Variants in NAPB observed in about 807,000 individuals in gnomAD.
NAPB encodes the protein NSF attachment protein beta, also known as beta-soluble NSF attachment protein.
Under a neutral mutation model 44.7 loss-of-function variants are expected in NAPB, and 26 were observed. That is an observed-to-expected ratio of 0.58 (90% CI 0.43 to 0.81). NAPB has a LOEUF of 0.81. NAPB is among the 30% of genes least tolerant of loss of function. The pLI is 0.00. For synonymous variants in NAPB, 120 were observed against 116.8 expected, an observed-to-expected ratio of 1.03 and a Z score of -0.18; for missense variants, 315 against 356.4, an observed-to-expected ratio of 0.88 and a Z score of 0.94.
chr20:23,398,273 C>G, intron 2 of NAPB, among the ~76,000 whole-genome samples: 1 of 152,204 alleles, frequency 6.6e-6, no homozygotes, highest in East Asian at 1.9e-4. Flanking sequence ...AAGAATATCA[C>G]AAAGCCTTTA....
intron 6 of NAPB, 24 bp downstream of exon 6, chr20:23,390,185 C>A (rs759769598): frequency 6.3e-7 from 1 of 1,582,730 alleles, no homozygotes; most frequent in South Asian, 1.1e-5. Context: ...CCCATTAAAT[C>A]ATATTAAGAA....
chr20:23,390,030 G>T lies in NAPB; in HGVS notation c.477C>A (p.Ser159Arg). The T allele has an allele frequency of 6.2e-7, 1 of 1,613,850 alleles. No homozygotes were observed. The highest frequency in any genetic ancestry group is 8.5e-7 in the Non-Finnish European group (1 of 1,179,844). The change falls in exon 7 of 11, where the codon AGC (serine) becomes AGA (arginine). Residue 159 changes from serine to arginine, a missense_variant and splice_region_variant. By Grantham distance (110) the Ser-to-Arg change is moderately radical (BLOSUM62 -1). Around this residue, in one of 3 missense-constraint regions of NAPB, gnomAD observed 16 missense variants for 43.4 expected, o/e 0.37. Transcript: ENST00000377026. ...CCTTCAGCAGACACTTGTTTGCTGA[G>T]CTGAAATCAAGAACCAAAGCAGAGT... ...ADYYKGEESNSSANKCLLKVA... is the reference protein window; with the variant it reads ...ADYYKGEESNRSANKCLLKVA...
chr20:23,382,710 G>A (rs1274620096), intron 7 of NAPB, among the ~76,000 whole-genome samples: 1 of 150,794 alleles, frequency 6.6e-6, no homozygotes, highest in African/African-American at 2.4e-5. Context: ...CAGGATGAAA[G>A]GGACAGAGGA....
chr20:23,387,260 C>T (rs1479516680), intron 7 of NAPB, among the ~76,000 whole-genome samples: 1 of 152,028 alleles, frequency 6.6e-6, no homozygotes, highest in Admixed American at 6.6e-5. Flanking sequence ...TTTACCAAAA[C>T]CCCACTACTG....
At chr20:23,398,074 G>C (rs766895279) in intron 2 of NAPB, among the ~76,000 whole-genome samples, 58 of 152,170 alleles carry the variant, frequency 3.8e-4, no homozygotes, top group Non-Finnish European at 5.6e-4. Flanking sequence ...GACTGGAGGA[G>C]GCCAGTGGAA....
rs1982418525 is a variant in NAPB, at chr20:23,375,279, T to TA, written c.*2096_*2097insT. ...TTGACACAACAAAATGTTACAAACATTATTGTTAAAAAAAAATACCCCTTC... is the reference window on the plus strand; with the variant it reads ...TTGACACAACAAAATGTTACAAACATATATTGTTAAAAAAAAATACCCCTTC... On this transcript the variant is annotated 3_prime_UTR_variant, in exon 11 of 11. Transcript: ENST00000377026. The TA allele has an allele frequency of 6.6e-6, 1 of 152,098 alleles. No individual in the cohort carries two copies. Among genetic ancestry groups the TA allele is most frequent in the Admixed American group, 6.5e-5 (1 of 15,272 alleles). 9.4% of individuals were successfully genotyped at this position (152,098 alleles called of 1,614,324 possible).
At chr20:23,418,840 A>T (rs1356804173) in intron 1 of NAPB, among the ~76,000 whole-genome samples, 1 of 151,782 alleles carries the variant, frequency 6.6e-6, no homozygotes, top group East Asian at 1.9e-4. Context: ...CCAGCTACTC[A>T]GGAGACTGAG....
intron 5 of NAPB, among the ~76,000 whole-genome samples, chr20:23,391,165 A>G (rs551438047): frequency 6.6e-6 from 1 of 152,256 alleles, no homozygotes; most frequent in African/African-American, 2.4e-5. Context: ...TACAAAAATT[A>G]GCCGGGCGTG....
chr20:23,377,521 T>C (rs775526644), intron 10 of NAPB, 35 bp from the exon 11 acceptor site: 19 of 1,405,632 alleles, frequency 1.4e-5, no homozygotes, highest in Non-Finnish European at 1.8e-5. Context: ...AATTACCCCA[T>C]GTAAATACAT....
At chr20:23,408,230 G>A (rs1345576180) in intron 1 of NAPB, among the ~76,000 whole-genome samples, 2 of 152,118 alleles carry the variant, frequency 1.3e-5, no homozygotes, top group Non-Finnish European at 2.9e-5. Flanking sequence ...TGGGGAGCCT[G>A]GGGGGATCCC....
At chr20:23,385,970 T>C (rs891235917) in intron 7 of NAPB, among the ~76,000 whole-genome samples, 11 of 152,122 alleles carry the variant, frequency 7.2e-5, no homozygotes, top group African/African-American at 2.2e-4. Context: ...CGCAAAAATA[T>C]GTTATCTAAC....
chr20:23,415,043 G>A (rs1039940453), intron 1 of NAPB, among the ~76,000 whole-genome samples: 1 of 152,086 alleles, frequency 6.6e-6, no homozygotes, highest in African/African-American at 2.4e-5. Flanking sequence ...AGGTAATAGA[G>A]ATTGAGACAT....
intron 7 of NAPB, among the ~76,000 whole-genome samples, chr20:23,383,849 T>C (rs1018459956): frequency 1.4e-4 from 22 of 152,190 alleles, no homozygotes; most frequent in Non-Finnish European, 2.9e-4. Context: ...CATTGACTCA[T>C]GTGGTTCTAA....
intron 1 of NAPB, among the ~76,000 whole-genome samples, chr20:23,407,537 C>T (rs1440745820): frequency 3.3e-5 from 5 of 152,078 alleles, no homozygotes; most frequent in African/African-American, 1.2e-4. Context: ...GCACAAAAAC[C>T]ACTGCCACCT....
chr20:23,419,304 T>G (rs1568626451), intron 1 of NAPB, among the ~76,000 whole-genome samples: 2 of 152,214 alleles, frequency 1.3e-5, no homozygotes, highest in East Asian at 3.8e-4. Context: ...GTGTGAATGG[T>G]GAAGATTCGT....
At chr20:23,412,257 A>G (rs987783182) in intron 1 of NAPB, among the ~76,000 whole-genome samples, 1 of 152,190 alleles carries the variant, frequency 6.6e-6, no homozygotes, top group African/African-American at 2.4e-5. Context: ...CCTTCCACTC[A>G]TACTTCATCA....
intron 7 of NAPB, among the ~76,000 whole-genome samples, chr20:23,382,503 C>A (rs184213994): frequency 2.0e-5 from 3 of 151,894 alleles, no homozygotes; most frequent in Admixed American, 2.0e-4. Flanking sequence ...AAATATCCCA[C>A]GAAGATTTTA....
chr20:23,382,568 A>G (rs1983100429), intron 7 of NAPB, among the ~76,000 whole-genome samples: 1 of 152,170 alleles, frequency 6.6e-6, no homozygotes, highest in Admixed American at 6.5e-5. Context: ...CCTGAAGCTA[A>G]TGGAAAAATG....
At chr20:23,381,813 T>TTAGACAATAACTGCTC (rs1983025527) in intron 7 of NAPB, among the ~76,000 whole-genome samples, 1 of 152,096 alleles carries the variant, frequency 6.6e-6, no homozygotes, top group South Asian at 2.1e-4. Context: ...GAGAAAACAC[T>TTAGACAATAACTGCTC]TAGACAATAA....
Sources: gnomAD v4.1 joint callset for allele counts (sites outside exome capture counted in the v4.1 genomes callset) on GRCh38, gnomAD v4.1.1 for gene constraint, gnomAD v4.1.1 regional missense constraint, MANE v1.5 for transcripts, NCBI Gene and HGNC (gene_info 2026-07-23, HGNC 2026-07-21) for gene names.